The following ALPL variants were observed in gnomAD, a reference collection of about 807,000 sequenced individuals.
ALPL encodes alkaline phosphatase, tissue-nonspecific isozyme.
A neutral mutation model predicts 51.3 loss-of-function variants in ALPL; 42 were observed. The ratio of observed to expected loss-of-function variants is 0.82; its 90% CI spans 0.64 to 1.06. ALPL has a LOEUF of 1.06. Among genes scored for constraint, ALPL ranks in the 50% least tolerant of loss-of-function variants. The pLI is 0.00. For synonymous variants in ALPL, 279 were observed against 296.4 expected, an observed-to-expected ratio of 0.94 and a Z score of 0.60; for missense variants, 589 against 709.4, an observed-to-expected ratio of 0.83 and a Z score of 1.93.
At chr1:21,514,692 T>C (rs1305218391) in intron 1 of ALPL, among the ~76,000 whole-genome samples, 3 of 152,204 alleles carry the variant, frequency 2.0e-5, no homozygotes, top group East Asian at 1.9e-4. Context: ...CAAGGGAGAC[T>C]GATTGATTGT....
At chr1:21,535,163 G>A (rs2840331) in intron 1 of ALPL, among the ~76,000 whole-genome samples, 43,948 of 152,146 alleles carry the variant, frequency 0.29, 6,860 homozygotes, top group South Asian at 0.43. Context: ...GTTTAGTCAA[G>A]ATCAGCTGGA....
At chr1:21,531,881 G>A (rs1329922471) in intron 1 of ALPL, among the ~76,000 whole-genome samples, 2 of 151,972 alleles carry the variant, frequency 1.3e-5, no homozygotes, top group African/African-American at 4.8e-5. Flanking sequence ...TTTTCTCCTG[G>A]CTGCAGCAAC....
intron 1 of ALPL, among the ~76,000 whole-genome samples, chr1:21,540,410 C>A (rs917715949): frequency 6.6e-6 from 1 of 152,184 alleles, no homozygotes; most frequent in Admixed American, 6.5e-5. Context: ...CTCAGGGACC[C>A]CCAGAGAAGC....
intron 8 of ALPL, among the ~76,000 whole-genome samples, chr1:21,573,427 ACT>A (rs1351053540): frequency 2.1e-5 from 3 of 141,538 alleles, no homozygotes; most frequent in Non-Finnish European, 3.1e-5. Flanking sequence ...ACAGAGTGAG[ACT>A]CTGTCTCAAA....
chr1:21,556,895 C>T (rs1558545283), intron 2 of ALPL, among the ~76,000 whole-genome samples: 2 of 152,142 alleles, frequency 1.3e-5, no homozygotes, highest in South Asian at 2.1e-4. Context: ...GCTGAGATTG[C>T]GCCACTGTAC....
At chr1:21,562,563 C>T (rs1480187559) in intron 4 of ALPL, among the ~76,000 whole-genome samples, 1 of 152,122 alleles carries the variant, frequency 6.6e-6, no homozygotes, top group Non-Finnish European at 1.5e-5. Context: ...GGAAGGGAGA[C>T]AGGCAAATAG....
intron 1 of ALPL, among the ~76,000 whole-genome samples, chr1:21,528,898 C>T (rs28716020): frequency 0.075 from 11,318 of 151,296 alleles, 708 homozygotes; most frequent in African/African-American, 0.16. Flanking sequence ...GGCGAAACCC[C>T]GTCTCTACTA....
Position 21,568,246 on chromosome 1 carries a change from A to G in ALPL, c.791A>G (p.Lys264Arg), listed in dbSNP as rs786204442. The G allele has an allele frequency of 3.7e-6, 6 of 1,613,930 alleles. No individual in the cohort carries two copies. Among genetic ancestry groups the G allele is most frequent in the Non-Finnish European group, 8.5e-7 (1 of 1,180,000 alleles). Reference sequence around the variant, plus strand: ...TGGAAGAGCTTCAAACCGAGATACAAGGTAGCCTGTGCTGGGGCCATGTGG... The same window carrying G: ...TGGAAGAGCTTCAAACCGAGATACAGGGTAGCCTGTGCTGGGGCCATGTGG... ...DTWKSFKPRYKHSHFIWNRTE... is the reference protein window; with the variant it reads ...DTWKSFKPRYRHSHFIWNRTE... The change falls in exon 7 of 12, where the codon AAG (lysine) becomes AGG (arginine). Residue 264 changes from lysine to arginine, a missense_variant and splice_region_variant. Coordinates refer to ENST00000374840, the MANE Select transcript of ALPL (RefSeq NM_000478.6).
In ALPL at chr1:21,573,754, C is replaced by A. The variant is rs752356218; in HGVS notation, c.952C>A (p.Gln318Lys). The A allele has an allele frequency of 2.5e-6, 4 of 1,614,178 alleles. No individual in the cohort carries two copies. In the Admixed American group the frequency reaches 6.7e-5, roughly 27 times the overall value. The part of the protein sequence containing the change: ...SLSEMVVVAI[Q>K]ILRKNPKGFF... ...CTCCGAGATGGTGGTGGTGGCCATC[C>A]AGATCCTGCGGAAGAACCCCAAAGG... is the stretch of plus-strand genomic sequence containing the variant. The change falls in exon 9 of 12, where the codon CAG becomes AAG. Residue 318 changes from glutamine (Q) to lysine (K), a missense_variant. Gln to Lys is a moderately conservative substitution (Grantham distance 53). Transcript: ENST00000374840.
rs1328784884 is a variant in ALPL, at chr1:21,539,577, G to T, written c.-104-14401G>T. Among the ~76,000 whole-genome samples, 4 of 152,094 alleles carry T rather than the reference G, an allele frequency of 2.6e-5. No homozygotes were observed. The East Asian group carries it at 7.7e-4, about 29-fold the overall frequency. On this transcript the variant is annotated intron_variant, in intron 1 of 11. Transcript: ENST00000374840. ...CCCAAATCCTCAGCTGGTTAGTGGG[G>T]AGACCTATCCCTGCCCCTGATGTGC...
At chr1:21,518,902 A>G (rs1643850171) in intron 1 of ALPL, among the ~76,000 whole-genome samples, 1 of 152,190 alleles carries the variant, frequency 6.6e-6, no homozygotes, top group South Asian at 2.1e-4. Context: ...CACAAACTCC[A>G]TCCCAGGTGT....
intron 4 of ALPL, among the ~76,000 whole-genome samples, chr1:21,562,411 G>A (rs185217779): frequency 3.3e-5 from 5 of 152,244 alleles, no homozygotes; most frequent in Admixed American, 2.0e-4. Flanking sequence ...GTGCACTGCC[G>A]GGTAGCTATT....
chr1:21,567,681 A>G lies in ALPL; in HGVS notation c.649-423A>G, dbSNP rs116583897. Among the ~76,000 whole-genome samples, 1,334 of 152,190 alleles carry G rather than the reference A, an allele frequency of 8.8e-3. 31 individuals carry two copies. The highest frequency in any genetic ancestry group is 0.031 in the African/African-American group (1,271 of 41,512). The stretch of plus-strand genomic sequence containing the variant: ...GGCTCTGTGGCCTTCGGGGGAAAAA[A>G]CCAATTTCTGTGCCCATTTTTTTAG... On this transcript the variant is annotated intron_variant, in intron 6 of 11. Coordinates refer to ENST00000374840, the MANE Select transcript of ALPL (RefSeq NM_000478.6).
Position 21,554,031 on chromosome 1 carries a change from CGT to C in ALPL, c.-50_-49del. ...CTGCCAGCCCACCCCCTCCCACCCACGTCGATTGCATCTCTGGGCTCCAGGGA... is the reference window on the plus strand; with the variant it reads ...CTGCCAGCCCACCCCCTCCCACCCACCGATTGCATCTCTGGGCTCCAGGGA... On this transcript the variant is annotated 5_prime_UTR_variant, in exon 2 of 12. Transcript: ENST00000374840. 3.6e-6 allele frequency: 5 copies of C among 1,374,280 alleles called. No individual in the cohort carries two copies. The highest frequency in any genetic ancestry group is 4.1e-6 in the Non-Finnish European group (4 of 965,706). The allele number at this position is 1,374,280 out of a possible 1,614,324, so 85.1% of individuals were successfully genotyped here.
intron 1 of ALPL, among the ~76,000 whole-genome samples, chr1:21,523,999 CTTTTTT>C (rs10571494): frequency 1.1e-5 from 1 of 94,546 alleles, no homozygotes. Context: ...CAAATCTCTG[CTTTTTT>C]TTTTTTTTTT....
intron 1 of ALPL, among the ~76,000 whole-genome samples, chr1:21,543,976 G>A (rs1644222792): frequency 6.6e-6 from 1 of 152,232 alleles, no homozygotes; most frequent in Non-Finnish European, 1.5e-5. Context: ...GAGCTGAGGT[G>A]GAGAGAGCTT....
chr1:21,519,998 G>GC (rs1334294715), intron 1 of ALPL, among the ~76,000 whole-genome samples: 2 of 152,066 alleles, frequency 1.3e-5, no homozygotes, highest in Non-Finnish European at 2.9e-5. Flanking sequence ...GGGTTGTGCT[G>GC]CCCCCCGCAT....
chr1:21,577,163 A>C (rs568925284), intron 11 of ALPL, among the ~76,000 whole-genome samples: 1 of 152,222 alleles, frequency 6.6e-6, no homozygotes, highest in South Asian at 2.1e-4. Flanking sequence ...AATGAGGTTA[A>C]TTTTCTCTGT....
rs575659277 is a variant in ALPL, at chr1:21,562,531, C to G, written c.298-579C>G. 5.2e-4 allele frequency among the ~76,000 whole-genome samples: 79 copies of G among 152,260 alleles called. No homozygotes were observed. The Middle Eastern group carries it at 0.024, about 46-fold the overall frequency. On this transcript the variant is annotated intron_variant, in intron 4 of 11. Coordinates refer to ENST00000374840, the MANE Select transcript of ALPL (RefSeq NM_000478.6). Reference sequence around the variant, plus strand: ...GGGACTATGGTGCCTTCTGTGCCTTCAAGGTGCTCTCAGGCTGGTGGGGAA... The same window carrying G: ...GGGACTATGGTGCCTTCTGTGCCTTGAAGGTGCTCTCAGGCTGGTGGGGAA...
Sources: allele counts gnomAD v4.1 joint callset (sites outside exome capture counted in the v4.1 genomes callset), GRCh38; gene constraint gnomAD v4.1.1; transcripts MANE v1.5; gene names NCBI Gene and HGNC (gene_info 2026-07-23, HGNC 2026-07-21).